The following IFIH1 variants were observed in gnomAD, a reference collection of about 807,000 sequenced individuals.
IFIH1 encodes the protein interferon induced with helicase C domain 1.
In IFIH1, 125 loss-of-function variants were observed where a neutral mutation model predicts 107.4. That is an observed-to-expected ratio of 1.16 (90% CI 1.01 to 1.35). The LOEUF (loss-of-function observed/expected upper bound fraction) is 1.35, where lower values mean the gene tolerates loss of function less well. Among genes scored for constraint, IFIH1 ranks in the 40% most tolerant of loss-of-function variants. IFIH1 has a pLI of 0.00. For synonymous variants in IFIH1, 458 were observed against 413.2 expected (o/e 1.11, Z -1.31); for missense variants, 1,333 against 1,213.7 (o/e 1.10, Z -1.46).
At chr2:162,306,424 A>C (rs980597347) in intron 3 of IFIH1, among the ~76,000 whole-genome samples, 1 of 152,210 alleles carries the variant, frequency 6.6e-6, no homozygotes, top group Non-Finnish European at 1.5e-5. Context: ...AAACCAGGAA[A>C]TATAAGGCAT....
intron 6 of IFIH1, 77 bp from the exon 7 acceptor site, chr2:162,281,622 G>A: frequency 9.3e-7 from 1 of 1,077,100 alleles, no homozygotes; most frequent in South Asian, 1.5e-5. Flanking sequence ...ACCAGTAATT[G>A]AGCTGCCTTG....
intron 5 of IFIH1, among the ~76,000 whole-genome samples, chr2:162,286,499 T>C (rs73973097): frequency 0.036 from 5,539 of 151,976 alleles, 334 homozygotes; most frequent in African/African-American, 0.13. Flanking sequence ...TATTAGCCTA[T>C]GTCCCTGTGA....
chr2:162,310,732 T>G, intron 2 of IFIH1, 33 bp downstream of exon 2: 2 of 1,580,824 alleles, frequency 1.3e-6, no homozygotes, highest in Non-Finnish European at 1.7e-6. Flanking sequence ...TAGGCAGAAT[T>G]TGAAGAATCT....
At chr2:162,276,163 C>T (rs1055040476) in intron 11 of IFIH1, among the ~76,000 whole-genome samples, 2 of 152,172 alleles carry the variant, frequency 1.3e-5, no homozygotes, top group Non-Finnish European at 2.9e-5. Context: ...AACACTTAAC[C>T]TCTCAAAAAC....
chr2:162,280,148 AT>A, intron 7 of IFIH1, 36 bp from the exon 8 acceptor site: 1 of 1,105,954 alleles, frequency 9.0e-7, no homozygotes, highest in Admixed American at 1.9e-5. Context: ...TTATGCAATT[AT>A]TTTTCCCTTT....
chr2:162,289,002 A>G (rs1682947317), intron 4 of IFIH1, among the ~76,000 whole-genome samples: 1 of 151,448 alleles, frequency 6.6e-6, no homozygotes, highest in South Asian at 2.1e-4. Flanking sequence ...TGAGGCAACT[A>G]CGTTGTACAG....
chr2:162,282,716 A>G (rs1169397539), intron 5 of IFIH1, 140 bp from the exon 6 acceptor site: 1 of 603,160 alleles, frequency 1.7e-6, no homozygotes, highest in Non-Finnish European at 2.9e-6. Flanking sequence ...CGTTCCCATC[A>G]CTCCTTTCAT....
In IFIH1 at chr2:162,268,190, G is replaced by A. The variant is rs1280660714; in HGVS notation, c.2704C>T (p.Leu902=). Residue 902 remains leucine, a synonymous_variant, in exon 14 of 16, where the codon CTA becomes TTA. Coordinates refer to ENST00000649979, the MANE Select transcript of IFIH1 (RefSeq NM_022168.4). ...CAGTTTTTGCAAAGGAAAGTTATTA[G>A]TGATGGGTTATTCTTGTAATGCTTG... The part of the protein sequence containing the change: ...IAKHYKNNPS[L]ITFLCKNCSV... The A allele has an allele frequency of 6.2e-7, 1 of 1,612,648 alleles. No homozygotes were observed. The highest frequency in any genetic ancestry group is 8.5e-7 in the Non-Finnish European group (1 of 1,178,742).
chr2:162,268,787 G>A (rs990331862), intron 13 of IFIH1, among the ~76,000 whole-genome samples: 1 of 151,942 alleles, frequency 6.6e-6, no homozygotes, highest in Non-Finnish European at 1.5e-5. Flanking sequence ...ATGGAGTTTT[G>A]CCATGTTGCC....
intron 1 of IFIH1, among the ~76,000 whole-genome samples, chr2:162,312,516 T>C (rs1576239941): frequency 6.6e-6 from 1 of 152,332 alleles, no homozygotes; most frequent in African/African-American, 2.4e-5. Context: ...GAATCCTGCC[T>C]TCTTGAACTA....
At chr2:162,306,568 C>A in intron 3 of IFIH1, 141 bp downstream of exon 3, 1 of 517,702 alleles carries the variant, frequency 1.9e-6, no homozygotes, top group Non-Finnish European at 3.2e-6. Flanking sequence ...TTAATTTAAT[C>A]TCCTCTAAAA....
intron 3 of IFIH1, among the ~76,000 whole-genome samples, chr2:162,301,668 G>C (rs955476759): frequency 8.5e-5 from 13 of 152,126 alleles, no homozygotes; most frequent in Admixed American, 2.0e-4. Flanking sequence ...TAATTTAACT[G>C]TTCGCTTTTA....
intron 5 of IFIH1, among the ~76,000 whole-genome samples, chr2:162,283,609 T>A (rs1682846658): frequency 6.6e-6 from 1 of 152,038 alleles, no homozygotes; most frequent in South Asian, 2.1e-4. Context: ...TCACTCTCCA[T>A]AATTCTACCA....
chr2:162,297,530 A>T (rs941308958), intron 3 of IFIH1, among the ~76,000 whole-genome samples: 1 of 152,174 alleles, frequency 6.6e-6, no homozygotes, highest in Non-Finnish European at 1.5e-5. Flanking sequence ...TTATTGTGAG[A>T]ATGATTCGGT....
At chr2:162,314,355 CTTT>C (rs1683432929) in intron 1 of IFIH1, among the ~76,000 whole-genome samples, 1 of 148,456 alleles carries the variant, frequency 6.7e-6, no homozygotes, top group African/African-American at 2.6e-5. Context: ...TCCTTCCTTC[CTTT>C]CTTCCTTCCT....
intron 5 of IFIH1, among the ~76,000 whole-genome samples, chr2:162,284,659 G>A (rs577897506): frequency 5.9e-4 from 89 of 152,046 alleles, no homozygotes; most frequent in Non-Finnish European, 9.7e-4. Context: ...GGGAAAAAAT[G>A]AGAATAATAA....
chr2:162,282,279 C>T (rs914362047), intron 6 of IFIH1, 87 bp downstream of exon 6: 28 of 817,594 alleles, frequency 3.4e-5, no homozygotes, highest in Admixed American at 2.3e-4. Flanking sequence ...ATTTAAGCCA[C>T]GAACATTTAA....
chr2:162,314,282 T>C (rs1310563794), intron 1 of IFIH1, among the ~76,000 whole-genome samples: 1 of 152,072 alleles, frequency 6.6e-6, no homozygotes, highest in Non-Finnish European at 1.5e-5. Flanking sequence ...TAAAATGGCA[T>C]ATATTTATTG....
At chr2:162,302,341 A>T (rs2105222420) in intron 3 of IFIH1, among the ~76,000 whole-genome samples, 1 of 152,368 alleles carries the variant, frequency 6.6e-6, no homozygotes, top group East Asian at 1.9e-4. Context: ...AATTATAAAT[A>T]TCTTAATTTA....
Sources: allele counts gnomAD v4.1 joint callset (sites outside exome capture counted in the v4.1 genomes callset), GRCh38; gene constraint gnomAD v4.1.1; transcripts MANE v1.5; gene names NCBI Gene and HGNC (gene_info 2026-07-23, HGNC 2026-07-21).